IQSEC1: variants seen among roughly 807,000 people sequenced by gnomAD.
IQSEC1 encodes the protein IQ motif and Sec7 domain ArfGEF 1.
In IQSEC1, 31 loss-of-function variants were observed where a neutral mutation model predicts 91.0. The observed-to-expected ratio is 0.34, with a 90% confidence interval of 0.26 to 0.46. IQSEC1 has a LOEUF of 0.46. Among genes scored for constraint, IQSEC1 ranks in the 20% least tolerant of loss-of-function variants. The pLI, the probability that IQSEC1 is intolerant of heterozygous loss-of-function variation, is 1.00. For synonymous variants in IQSEC1, 699 were observed against 662.6 expected (o/e 1.05, Z -0.84); for missense variants, 1,388 against 1,575.6 (o/e 0.88, Z 2.02).
intron 12 of IQSEC1, among the ~76,000 whole-genome samples, chr3:12,907,513 G>A (rs1358095775): frequency 1.3e-5 from 2 of 152,206 alleles, no homozygotes; most frequent in African/African-American, 4.8e-5. Context: ...CAGACTGTTC[G>A]GCGGAGGGCG....
chr3:12,925,469 C>A (rs1164253640), intron 3 of IQSEC1, among the ~76,000 whole-genome samples: 2 of 152,222 alleles, frequency 1.3e-5, no homozygotes, highest in Admixed American at 6.5e-5. Flanking sequence ...CTGCTGTAAA[C>A]ACTGAGGAAG....
intron 12 of IQSEC1, among the ~76,000 whole-genome samples, chr3:12,905,828 G>A (rs1694914340): frequency 6.6e-6 from 1 of 152,234 alleles, no homozygotes; most frequent in Admixed American, 6.5e-5. Flanking sequence ...GGGCAGGAGG[G>A]CCGCTGGGGG....
Position 12,970,271 on chromosome 3 carries a change from G to A in IQSEC1, c.24-28406C>T, listed in dbSNP as rs1219687264. Among the ~76,000 whole-genome samples the A allele has an allele frequency of 6.6e-6, 1 of 152,224 alleles. No homozygotes were observed. The highest frequency in any genetic ancestry group is 2.1e-4 in the South Asian group (1 of 4,828). ...AGCTTGTAATTCTGCCCCAGGAGAG[G>A]CTCTAATGGGGGGACATTTTGGGTT... On this transcript the variant is annotated intron_variant, in intron 1 of 13. Transcript: ENST00000613206. This position sits in a 1 kb window ranked among gnomAD's most constrained non-coding sequence, Gnocchi z 4.4.
chr3:13,081,337 C>A (rs1385374961), intron 2 of IQSEC1, among the ~76,000 whole-genome samples: 1 of 152,208 alleles, frequency 6.6e-6, no homozygotes, highest in Non-Finnish European at 1.5e-5. Context: ...GGCACAATCA[C>A]AGCTCACAGA....
intron 1 of IQSEC1, among the ~76,000 whole-genome samples, chr3:13,011,323 A>T (rs1008474864): frequency 1.3e-5 from 2 of 152,230 alleles, no homozygotes; most frequent in African/African-American, 4.8e-5. Flanking sequence ...CATTTTTAAA[A>T]TTTTAAATTC....
chr3:13,117,471 T>C (rs1013744051), intron 2 of IQSEC1, among the ~76,000 whole-genome samples: 2 of 140,688 alleles, frequency 1.4e-5, no homozygotes, highest in Non-Finnish European at 3.0e-5. Flanking sequence ...CCAGGGAGCC[T>C]GAGGCAGGGG....
intron 2 of IQSEC1, among the ~76,000 whole-genome samples, chr3:13,145,768 G>A (rs1041333256): frequency 6.9e-6 from 1 of 145,944 alleles, no homozygotes; most frequent in African/African-American, 2.5e-5. Flanking sequence ...CTCTTGCAAA[G>A]GGGCGGTTTG....
chr3:13,010,272 C>T (rs913909260), intron 1 of IQSEC1, among the ~76,000 whole-genome samples: 3 of 152,160 alleles, frequency 2.0e-5, no homozygotes, highest in East Asian at 1.9e-4. Context: ...GTAAGACACC[C>T]CAATTTTCTT....
intron 1 of IQSEC1, among the ~76,000 whole-genome samples, chr3:13,195,602 G>A (rs913190004): frequency 6.6e-6 from 1 of 152,218 alleles, no homozygotes; most frequent in Non-Finnish European, 1.5e-5. Context: ...TTTACACAGA[G>A]TGAAGAAAGC....
chr3:13,199,419 G>A (rs1025051624), intron 1 of IQSEC1, among the ~76,000 whole-genome samples: 2 of 152,188 alleles, frequency 1.3e-5, no homozygotes. Context: ...GCCGTCCAGG[G>A]ACATCTGTGC....
intron 2 of IQSEC1, among the ~76,000 whole-genome samples, chr3:13,151,050 A>AG (rs1434212543): frequency 6.6e-6 from 1 of 152,222 alleles, no homozygotes; most frequent in Non-Finnish European, 1.5e-5. Flanking sequence ...CCCCAGCAGC[A>AG]GGACAGGCAC....
At position 12,900,725 on chromosome 3, in the gene IQSEC1, C is replaced by CTGA. The variant is rs1694167644; in HGVS notation, c.*255_*257dup. ...ACTTGGCTGGCTCACCGTTTCAAGG[C>CTGA]TGATGGTGTCTGAGGCCCACCCATC... On this transcript the variant is annotated 3_prime_UTR_variant, in exon 14 of 14. Coordinates refer to ENST00000613206, the MANE Select transcript of IQSEC1 (RefSeq NM_001134382.3). 1.6e-5 allele frequency: 22 copies of CTGA among 1,404,352 alleles called. 1 individual carries two copies. In the South Asian group the frequency reaches 2.6e-4, roughly 16 times the overall value. 87.0% of individuals were successfully genotyped at this position (1,404,352 alleles called of 1,614,324 possible). A position where few individuals can be genotyped will look rare whatever the true frequency, so the allele number is the denominator to read the frequency against.
chr3:13,240,422 C>T (rs1174103315), intron 1 of IQSEC1, among the ~76,000 whole-genome samples: 1 of 152,106 alleles, frequency 6.6e-6, no homozygotes, highest in African/African-American at 2.4e-5. Flanking sequence ...TTGTTTGAGG[C>T]TCCCCAGGGC....
intron 1 of IQSEC1, among the ~76,000 whole-genome samples, chr3:13,265,150 C>G (rs1206299612): frequency 1.3e-5 from 2 of 152,206 alleles, no homozygotes; most frequent in Non-Finnish European, 2.9e-5. Flanking sequence ...GTCTTGCCTC[C>G]TCCTCGGCCC....
At chr3:13,127,142 G>A (rs1158275158) in intron 2 of IQSEC1, among the ~76,000 whole-genome samples, 1 of 152,132 alleles carries the variant, frequency 6.6e-6, no homozygotes, top group East Asian at 1.9e-4. Flanking sequence ...GCTGGGGGCG[G>A]TGGCTCACGC....
rs1381993631 is a variant in IQSEC1, at chr3:13,278,815, G to A, written c.272+3896C>T. Among the ~76,000 whole-genome samples, 5 of 143,158 alleles carry A rather than the reference G, an allele frequency of 3.5e-5. No homozygotes were observed. In the South Asian group the frequency reaches 7.1e-4, roughly 20 times the overall value. 93.9% of individuals were successfully genotyped at this position (143,158 alleles called of 152,430 possible). A position where few individuals can be genotyped will look rare whatever the true frequency, so the allele number is the denominator to read the frequency against. ...GCTCTGGATGACAGAGCAAGACTCC[G>A]TCTTGGTGAGGGGCAGGGTGGGGGG... On this transcript the variant is annotated intron_variant, in intron 1 of 15. Coordinates refer to the IQSEC1 transcript ENST00000648114.
intron 2 of IQSEC1, among the ~76,000 whole-genome samples, chr3:13,143,435 T>A (rs1375788198): frequency 6.6e-6 from 1 of 152,196 alleles, no homozygotes; most frequent in Non-Finnish European, 1.5e-5. Flanking sequence ...GACAAAAGTA[T>A]GCACATCCAG....
Position 13,190,864 on chromosome 3 carries a change from G to A in IQSEC1, c.273-26731C>T, listed in dbSNP as rs144035787. On this transcript the variant is annotated intron_variant, in intron 1 of 15. Coordinates refer to the IQSEC1 transcript ENST00000648114. ...AGAGCAGTCCCCAAATGGGAGGAGG[G>A]CTCTCTCCCTACCCCTCTGCCTCAC... Among the ~76,000 whole-genome samples, 43 of 152,296 alleles carry A rather than the reference G, an allele frequency of 2.8e-4. No homozygotes were observed. In the East Asian group the frequency reaches 6.8e-3, roughly 24 times the overall value.
chr3:13,196,784 G>C (rs1694137124), intron 1 of IQSEC1, among the ~76,000 whole-genome samples: 1 of 149,010 alleles, frequency 6.7e-6, no homozygotes, highest in Non-Finnish European at 1.5e-5. Context: ...GTGTGTGTGT[G>C]TGTGTGGTGG....
Sources: gnomAD v4.1 joint callset for allele counts (sites outside exome capture counted in the v4.1 genomes callset) on GRCh38, gnomAD v4.1.1 for gene constraint, Gnocchi (gnomAD v3.1) non-coding constraint, MANE v1.5 for transcripts, NCBI Gene and HGNC (gene_info 2026-07-23, HGNC 2026-07-21) for gene names.